The following DNAH7 variants were observed in gnomAD, a reference collection of about 807,000 sequenced individuals.
DNAH7 encodes the protein axonemal beta dynein heavy chain 7.
A neutral mutation model predicts 444.6 loss-of-function variants in DNAH7; 397 were observed. The ratio of observed to expected loss-of-function variants is 0.89; its 90% CI spans 0.82 to 0.97. DNAH7 has a LOEUF of 0.97. Ranked by LOEUF, DNAH7 falls within the 50% of genes least tolerant of loss-of-function variation. DNAH7 has a pLI of 0.00. For missense variants in DNAH7, 4,902 were observed against 4,800.8 expected, an observed-to-expected ratio of 1.02 and a Z score of -0.62; for synonymous variants, 1,636 against 1,624.4, an observed-to-expected ratio of 1.01 and a Z score of -0.17.
chr2:195,916,620 G>A (rs1687694293), intron 24 of DNAH7, among the ~76,000 whole-genome samples: 1 of 152,218 alleles, frequency 6.6e-6, no homozygotes, highest in East Asian at 1.9e-4. Context: ...CACTTTGGGA[G>A]GCCGAGGTGG....
chr2:195,835,381 CAAAAAAA>C (rs58376618), intron 47 of DNAH7, among the ~76,000 whole-genome samples: 29 of 113,054 alleles, frequency 2.6e-4, no homozygotes, highest in African/African-American at 9.1e-4. Context: ...GTGACTGAGG[CAAAAAAA>C]AAAAAAAAAA....
intron 34 of DNAH7, among the ~76,000 whole-genome samples, chr2:195,885,571 T>C (rs375150657): frequency 2.6e-5 from 4 of 152,214 alleles, no homozygotes; most frequent in African/African-American, 4.8e-5. Context: ...AAGTACCATA[T>C]TGACCACAGT....
chr2:195,936,855 A>T, intron 19 of DNAH7, 63 bp from the exon 20 acceptor site: 1 of 1,171,120 alleles, frequency 8.5e-7, no homozygotes. Context: ...ATTTATATTC[A>T]TATTATATTT....
chr2:196,062,428 C>G (rs1384622928), intron 1 of DNAH7, among the ~76,000 whole-genome samples: 1 of 152,214 alleles, frequency 6.6e-6, no homozygotes, highest in East Asian at 1.9e-4. Flanking sequence ...AATCACATCT[C>G]CAGTCCTATT....
At chr2:196,039,446 A>T (rs1696592904) in intron 5 of DNAH7, among the ~76,000 whole-genome samples, 1 of 152,212 alleles carries the variant, frequency 6.6e-6, no homozygotes, top group Non-Finnish European at 1.5e-5. Flanking sequence ...TAGAAAAGCA[A>T]GAACAAATCA....
At chr2:195,975,008 G>A (rs987711326) in intron 15 of DNAH7, among the ~76,000 whole-genome samples, 8 of 151,998 alleles carry the variant, frequency 5.3e-5, no homozygotes, top group Non-Finnish European at 2.9e-5. Flanking sequence ...TTTGCTGGGC[G>A]CACTTAAATA....
At chr2:195,828,810 G>C (rs1241377907) in intron 48 of DNAH7, among the ~76,000 whole-genome samples, 8 of 151,796 alleles carry the variant, frequency 5.3e-5, no homozygotes, top group African/African-American at 1.9e-4. Context: ...TTGCTGGTGT[G>C]ATGTATCATT....
At position 195,987,115 on chromosome 2, in the gene DNAH7, C is replaced by T. The variant is rs781365607; in HGVS notation, c.1705G>A (p.Gly569Arg). 2 of 1,608,908 alleles carry T rather than the reference C, an allele frequency of 1.2e-6. No individual in the cohort carries two copies. Among genetic ancestry groups the T allele is most frequent in the South Asian group, 2.2e-5 (2 of 89,824 alleles). ...ALVKRADIIC[G>R]KLLAKMFRDH... ...CTGAACATTTTAGCTAGAAGTTTCC[C>T]ACAAATAATATCTGCTCGCTTCACC... The change falls in exon 14 of 65, where the codon GGG becomes AGG. Residue 569 changes from glycine (G) to arginine (R), a missense_variant. Gly to Arg is a moderately radical substitution (Grantham distance 125). Transcript: ENST00000312428.
chr2:195,758,859 G>A (rs1694208812), intron 61 of DNAH7, among the ~76,000 whole-genome samples: 1 of 152,186 alleles, frequency 6.6e-6, no homozygotes, highest in African/African-American at 2.4e-5. Flanking sequence ...CTAACTACAG[G>A]GGAAGCACAC....
intron 41 of DNAH7, among the ~76,000 whole-genome samples, chr2:195,863,879 G>A (rs578118226): frequency 1.3e-5 from 2 of 152,144 alleles, no homozygotes; most frequent in East Asian, 3.9e-4. Flanking sequence ...AGGGTTCAAG[G>A]TTGCTCTGTG....
intron 27 of DNAH7, chr2:195,901,498 T>C (rs1457013337): frequency 6.6e-6 from 1 of 152,186 alleles, no homozygotes; most frequent in Non-Finnish European, 1.5e-5. Context: ...GTCTAAGTGT[T>C]CAATTTCAAT....
chr2:195,775,498 A>G (rs1039949186), intron 60 of DNAH7, among the ~76,000 whole-genome samples: 18 of 152,286 alleles, frequency 1.2e-4, no homozygotes, highest in African/African-American at 3.8e-4. Flanking sequence ...CTGCTTCCCA[A>G]GTATCTTTGC....
At chr2:195,856,216 C>G (rs984859615) in intron 44 of DNAH7, among the ~76,000 whole-genome samples, 2 of 152,076 alleles carry the variant, frequency 1.3e-5, no homozygotes, top group Non-Finnish European at 1.5e-5. Context: ...ATACAAAAAA[C>G]ATTTTGCCAG....
Position 195,884,632 on chromosome 2 carries a change from G to A in DNAH7, c.5716C>T (p.Pro1906Ser). 2 of 1,614,070 alleles carry A rather than the reference G, an allele frequency of 1.2e-6. No individual in the cohort carries two copies. The highest frequency in any genetic ancestry group is 1.1e-5 in the South Asian group (1 of 91,060). The change falls in exon 35 of 65, where the codon CCA (proline) becomes TCA (serine). Residue 1906 changes from proline (P) to serine (S), a missense_variant. Physicochemically the swap from Pro to Ser is moderately conservative, Grantham distance 74 (BLOSUM62 -1). Transcript: ENST00000312428. ...EQTSSKALTV[P>S]FPEKGTIYDY... ...TAAATTGTTCCTTTTTCAGGAAATG[G>A]GACAGTTAGTGCCTTTGAGGATGTT...
rs1037941161 is a variant in DNAH7, at chr2:196,032,097, T to C, written c.399-4050A>G. Among the ~76,000 whole-genome samples the C allele has an allele frequency of 1.2e-4, 18 of 152,300 alleles. 1 individual carries two copies. Among genetic ancestry groups the C allele is most frequent in the East Asian group, 9.6e-4 (5 of 5,190 alleles). On this transcript the variant is annotated intron_variant, in intron 5 of 64. Coordinates refer to ENST00000312428, the MANE Select transcript of DNAH7 (RefSeq NM_018897.3). ...CGTGGTTGGGGGGGTCTCACAATCA[T>C]GGCAGAAGGCAAAAGGCACTTCTTA...
At chr2:195,874,447 A>G (rs1700905914) in intron 38 of DNAH7, among the ~76,000 whole-genome samples, 2 of 152,188 alleles carry the variant, frequency 1.3e-5, no homozygotes, top group African/African-American at 4.8e-5. Flanking sequence ...CCGAAAGGAA[A>G]AGATACCTCA....
chr2:195,787,098 G>T lies in DNAH7; in HGVS notation c.10790C>A (p.Pro3597His). The T allele has an allele frequency of 6.2e-7, 1 of 1,612,092 alleles. No homozygotes were observed. Among genetic ancestry groups the T allele is most frequent in the Non-Finnish European group, 8.5e-7 (1 of 1,179,450 alleles). ...ALVQERRKFGPLGWNIPYEFN... is the reference protein window; with the variant it reads ...ALVQERRKFGHLGWNIPYEFN... The stretch of plus-strand genomic sequence containing the variant: ...CTCATAAGGAATATTCCACCCTAGG[G>T]GTCCAAATTTCCGTCTTTCTTGTAC... Residue 3597 changes from proline to histidine, a missense_variant, in exon 58 of 65, where the codon CCC becomes CAC. Transcript: ENST00000312428.
intron 63 of DNAH7, among the ~76,000 whole-genome samples, chr2:195,743,482 T>C (rs1693177608): frequency 6.6e-6 from 1 of 152,192 alleles, no homozygotes; most frequent in African/African-American, 2.4e-5. Context: ...AATTTAATCT[T>C]AGCTATATAA....
intron 1 of DNAH7, among the ~76,000 whole-genome samples, chr2:196,066,566 A>G (rs1365246947): frequency 6.6e-6 from 1 of 152,132 alleles, no homozygotes; most frequent in Non-Finnish European, 1.5e-5. Context: ...AACCTCTCAA[A>G]GTTTTTCAAC....
Sources: gnomAD v4.1 joint callset for allele counts (sites outside exome capture counted in the v4.1 genomes callset) on GRCh38, gnomAD v4.1.1 for gene constraint, MANE v1.5 for transcripts, NCBI Gene and HGNC (gene_info 2026-07-23, HGNC 2026-07-21) for gene names.